Variants in SBF2 observed in about 807,000 individuals in gnomAD.
The protein encoded by SBF2 is myotubularin-related protein 13.
In SBF2, 112 loss-of-function variants were observed where a neutral mutation model predicts 225.2. The ratio of observed to expected loss-of-function variants is 0.50; its 90% CI spans 0.43 to 0.58. The LOEUF (loss-of-function observed/expected upper bound fraction) is 0.58, where lower values mean the gene tolerates loss of function less well. Ranked by LOEUF, SBF2 falls within the 20% of genes least tolerant of loss-of-function variation. SBF2 has a pLI of 0.00. For missense variants in SBF2, 1,996 were observed against 2,206.2 expected (o/e 0.90, Z 1.91); for synonymous variants, 763 against 773.3 (o/e 0.99, Z 0.22).
chr11:10,278,328 G>C (rs1311876880), intron 1 of SBF2, among the ~76,000 whole-genome samples: 2 of 152,104 alleles, frequency 1.3e-5, no homozygotes, highest in Non-Finnish European at 1.5e-5. Context: ...ATTTGCCTTC[G>C]CAATGTAAAT....
upstream of SBF2, among the ~76,000 whole-genome samples, chr11:10,297,216 A>T (rs1161328982): frequency 1.4e-5 from 2 of 143,860 alleles, no homozygotes; most frequent in Non-Finnish European, 3.1e-5. Context: ...TCCTATTTTT[A>T]TTTTATTTTT....
chr11:10,186,368 TA>T (rs1591168734), intron 2 of SBF2, among the ~76,000 whole-genome samples: 1 of 152,028 alleles, frequency 6.6e-6, no homozygotes, highest in Admixed American at 6.6e-5. Flanking sequence ...ACTCTGTCTC[TA>T]AGAAAAATAA....
intron 1 of SBF2, among the ~76,000 whole-genome samples, chr11:10,268,240 T>A (rs1400701517): frequency 6.6e-6 from 1 of 152,242 alleles, no homozygotes; most frequent in African/African-American, 2.4e-5. Context: ...GCAGATGTCA[T>A]TAACTATACA....
intron 2 of SBF2, among the ~76,000 whole-genome samples, chr11:10,143,966 G>A (rs543963985): frequency 2.0e-5 from 3 of 152,000 alleles, no homozygotes; most frequent in South Asian, 2.1e-4. Flanking sequence ...TGATCCGCCC[G>A]TCTCGGCCTC....
At chr11:10,182,018 T>G (rs921942412) in intron 2 of SBF2, among the ~76,000 whole-genome samples, 1 of 152,150 alleles carries the variant, frequency 6.6e-6, no homozygotes, top group African/African-American at 2.4e-5. Flanking sequence ...TCTTATTAAA[T>G]CAACAGATTT....
chr11:9,868,366 A>AAAAATAAAAG (rs1554933292), intron 17 of SBF2, among the ~76,000 whole-genome samples: 1 of 114,868 alleles, frequency 8.7e-6, no homozygotes, highest in African/African-American at 3.6e-5. Context: ...AAAAAAAAAA[A>AAAAATAAAAG]AATTAGGCGG....
At chr11:9,928,361 T>C (rs908411012) in intron 16 of SBF2, among the ~76,000 whole-genome samples, 25 of 152,164 alleles carry the variant, frequency 1.6e-4, no homozygotes, top group African/African-American at 6.0e-4. Context: ...TCCAATATCA[T>C]CAGTCATTAG....
At chr11:9,796,114 C>T (rs931438038) in intron 32 of SBF2, among the ~76,000 whole-genome samples, 157 bp from the exon 33 acceptor site, 5 of 151,968 alleles carry the variant, frequency 3.3e-5, no homozygotes, top group Non-Finnish European at 5.9e-5. Flanking sequence ...GGAAGGGAAC[C>T]AGCTTTTCCG....
chr11:9,908,345 G>A (rs1398975293), intron 16 of SBF2, among the ~76,000 whole-genome samples: 1 of 152,216 alleles, frequency 6.6e-6, no homozygotes, highest in Non-Finnish European at 1.5e-5. Context: ...CAGATGGGGG[G>A]CTTGGTGCGG....
chr11:9,959,045 T>C, intron 16 of SBF2: 3 of 1,475,358 alleles, frequency 2.0e-6, no homozygotes, highest in African/African-American at 1.4e-5. Context: ...GTGCTAATGT[T>C]GGTATGGCAG....
chr11:10,048,991 G>C (rs1480208778), intron 2 of SBF2, among the ~76,000 whole-genome samples: 1 of 152,114 alleles, frequency 6.6e-6, no homozygotes, highest in Non-Finnish European at 1.5e-5. Flanking sequence ...AGTATATAAA[G>C]AAAAGTATCC....
chr11:9,822,410 G>C (rs996720267), intron 28 of SBF2, among the ~76,000 whole-genome samples: 1 of 151,998 alleles, frequency 6.6e-6, no homozygotes, highest in African/African-American at 2.4e-5. Context: ...ACAGGCGCCC[G>C]CCACCACGCC....
chr11:10,140,261 C>T (rs915569619), intron 2 of SBF2, among the ~76,000 whole-genome samples: 47 of 152,200 alleles, frequency 3.1e-4, no homozygotes, highest in Middle Eastern at 3.4e-3. Flanking sequence ...GAAGAGCCTC[C>T]GGTTGGGGAA....
At chr11:10,050,084 G>A (rs1213179612) in intron 2 of SBF2, among the ~76,000 whole-genome samples, 1 of 152,140 alleles carries the variant, frequency 6.6e-6, no homozygotes, top group Non-Finnish European at 1.5e-5. Context: ...TCTCATAGAA[G>A]TCTGTCATTC....
intron 13 of SBF2, among the ~76,000 whole-genome samples, chr11:9,979,633 C>A (rs1946853903): frequency 6.6e-6 from 1 of 152,038 alleles, no homozygotes; most frequent in South Asian, 2.1e-4. Flanking sequence ...TCTTGGCATG[C>A]AAGTTGCCAG....
chr11:9,868,437 G>A (rs978311220), intron 17 of SBF2, among the ~76,000 whole-genome samples: 1 of 150,382 alleles, frequency 6.6e-6, no homozygotes, highest in African/African-American at 2.4e-5. Flanking sequence ...AGAATGGCAT[G>A]AACCCGGGAG....
chr11:10,229,899 T>C (rs1200348913), intron 1 of SBF2, among the ~76,000 whole-genome samples: 1 of 152,224 alleles, frequency 6.6e-6, no homozygotes, highest in Non-Finnish European at 1.5e-5. Flanking sequence ...ATCTGTCTAA[T>C]GTTGACAGTG....
intron 6 of SBF2, among the ~76,000 whole-genome samples, chr11:10,006,333 A>G (rs906317821): frequency 6.6e-6 from 1 of 152,196 alleles, no homozygotes; most frequent in African/African-American, 2.4e-5. Flanking sequence ...GATGACCTCT[A>G]ATCCTGCCTC....
In SBF2 at chr11:9,780,090, T is replaced by A; in HGVS notation, c.*328A>T. 2.8e-6 allele frequency: 1 copy of A among 362,798 alleles called. No individual in the cohort carries two copies. The highest frequency in any genetic ancestry group is 2.6e-5 in the South Asian group (1 of 38,576). The allele number at this position is 362,798 out of a possible 1,614,324, so 22.5% of individuals were successfully genotyped here. A position where few individuals can be genotyped will look rare whatever the true frequency, so the allele number is the denominator to read the frequency against. ...AACAAAAAAGGATCTATAGCTTTCA[T>A]GAAGAAGGACCCAAGTAGGTGGTAG... On this transcript the variant is annotated 3_prime_UTR_variant, in exon 40 of 40. Coordinates refer to ENST00000256190, the MANE Select transcript of SBF2 (RefSeq NM_030962.4).
Sources: allele counts gnomAD v4.1 joint callset (sites outside exome capture counted in the v4.1 genomes callset), GRCh38; gene constraint gnomAD v4.1.1; transcripts MANE v1.5; gene names NCBI Gene and HGNC (gene_info 2026-07-23, HGNC 2026-07-21).